The following PIK3AP1 variants were observed in gnomAD, a reference collection of about 807,000 sequenced individuals.
PIK3AP1 encodes the protein phosphoinositide-3-kinase adaptor protein 1.
Under a neutral mutation model 88.1 loss-of-function variants are expected in PIK3AP1, and 21 were observed. That is an observed-to-expected ratio of 0.24 (90% CI 0.17 to 0.34). The LOEUF (loss-of-function observed/expected upper bound fraction) is 0.34. Among genes scored for constraint, PIK3AP1 ranks in the 10% least tolerant of loss-of-function variants. The pLI is 1.00. For synonymous variants in PIK3AP1, 398 were observed against 400.0 expected (o/e 1.00, Z 0.06); for missense variants, 828 against 1,035.7 (o/e 0.80, Z 2.75).
chr10:96,702,615 C>G (rs1279599770), intron 2 of PIK3AP1, among the ~76,000 whole-genome samples: 2 of 32,352 alleles, frequency 6.2e-5, no homozygotes, highest in Non-Finnish European at 1.0e-4. Flanking sequence ...GTGTTCTCAC[C>G]ACACACACAC....
At chr10:96,675,421 C>T (rs1843904836) in intron 2 of PIK3AP1, among the ~76,000 whole-genome samples, 3 of 152,134 alleles carry the variant, frequency 2.0e-5, no homozygotes, top group Non-Finnish European at 4.4e-5. Context: ...GGCCTAGTAT[C>T]CCTGCCATGC....
chr10:96,629,601 G>A (rs7896097), intron 8 of PIK3AP1, among the ~76,000 whole-genome samples: 131,113 of 150,176 alleles, frequency 0.87, 58,132 homozygotes, highest in East Asian at 1. Flanking sequence ...CTCTGGGCCA[G>A]GCATGGTGGC....
chr10:96,614,304 G>A (rs552195541), intron 13 of PIK3AP1, among the ~76,000 whole-genome samples: 16 of 152,094 alleles, frequency 1.1e-4, no homozygotes, highest in South Asian at 4.2e-4. Flanking sequence ...ATCTTTGGGC[G>A]CATGGACTCT....
In PIK3AP1 at chr10:96,651,608, G is replaced by A. The variant is rs768591183; in HGVS notation, c.756C>T (p.Asp252=). 5 of 1,614,082 alleles carry A rather than the reference G, an allele frequency of 3.1e-6. No individual in the cohort carries two copies. Among genetic ancestry groups the A allele is most frequent in the Non-Finnish European group, 3.4e-6 (4 of 1,179,978 alleles). The change falls in exon 5 of 17, where the codon GAC becomes GAT. Residue 252 remains aspartate, a synonymous_variant. Transcript: ENST00000339364. ...GNVSLKIYSG[D]LVVCETVISY... ...TGATAACGGTTTCACACACCACTAA[G>A]TCTCCAGAATATATCTTCAGAGAAA...
chr10:96,678,821 A>G (rs1843960313), intron 2 of PIK3AP1, among the ~76,000 whole-genome samples: 1 of 152,176 alleles, frequency 6.6e-6, no homozygotes, highest in Non-Finnish European at 1.5e-5. Context: ...TGCAGTCACA[A>G]TATAGTTTAT....
In PIK3AP1 at chr10:96,702,046, C is replaced by T. The variant is rs189756132; in HGVS notation, c.430+7521G>A. On this transcript the variant is annotated intron_variant, in intron 2 of 16. Coordinates refer to ENST00000339364, the MANE Select transcript of PIK3AP1 (RefSeq NM_152309.3). ...GGACATTATGCAAAGTGAAATAACC[C>T]AGATACAGGAAGGCAAATACAGAAT... Among the ~76,000 whole-genome samples the T allele has an allele frequency of 4.9e-4, 74 of 152,156 alleles. 1 individual carries two copies. The highest frequency in any genetic ancestry group is 1.7e-3 in the African/African-American group (71 of 41,482).
intron 3 of PIK3AP1, 46 bp from the exon 4 acceptor site, chr10:96,652,888 C>T (rs750955566): frequency 3.8e-6 from 6 of 1,596,436 alleles, no homozygotes; most frequent in African/African-American, 1.3e-5. Flanking sequence ...CTCAGATCCC[C>T]GTAGGGTGTT....
intron 2 of PIK3AP1, among the ~76,000 whole-genome samples, chr10:96,678,745 C>T (rs541189443): frequency 2.5e-4 from 38 of 152,292 alleles, no homozygotes; most frequent in Non-Finnish European, 5.0e-4. Flanking sequence ...GCCTCAACAC[C>T]TTCCTCCTTT....
At chr10:96,614,513 C>A (rs764834403) in intron 13 of PIK3AP1, among the ~76,000 whole-genome samples, 1 of 151,730 alleles carries the variant, frequency 6.6e-6, no homozygotes, top group Non-Finnish European at 1.5e-5. Context: ...CATAGGATGA[C>A]CTCTCTGACC....
In PIK3AP1 at chr10:96,624,083, C is replaced by G. The variant is rs1045829152; in HGVS notation, c.1670-546G>C. Among the ~76,000 whole-genome samples, 3 of 152,198 alleles carry G rather than the reference C, an allele frequency of 2.0e-5. No homozygotes were observed. In the South Asian group the frequency reaches 6.2e-4, roughly 32 times the overall value. On this transcript the variant is annotated intron_variant, in intron 10 of 16. Coordinates refer to ENST00000339364, the MANE Select transcript of PIK3AP1 (RefSeq NM_152309.3). ...GGCTCCCTGGGCTCTGAAAGAGGCT[C>G]TCTGAGTCCAAATACTAGCTCTGTG...
intron 2 of PIK3AP1, among the ~76,000 whole-genome samples, chr10:96,682,013 T>G (rs7087866): frequency 0.26 from 28,020 of 108,230 alleles, 2,744 homozygotes; most frequent in East Asian, 0.3. Flanking sequence ...TATATATATA[T>G]AGAGAGAGAG....
intron 2 of PIK3AP1, among the ~76,000 whole-genome samples, chr10:96,692,995 T>C (rs1564986120): frequency 6.6e-6 from 1 of 152,204 alleles, no homozygotes; most frequent in Non-Finnish European, 1.5e-5. Context: ...ATTCCTGCCA[T>C]TGTTGCAGCT....
At chr10:96,680,088 C>T (rs779464690) in intron 2 of PIK3AP1, among the ~76,000 whole-genome samples, 2 of 152,080 alleles carry the variant, frequency 1.3e-5, no homozygotes, top group East Asian at 1.9e-4. Context: ...CAGCCTCAGC[C>T]CTTTCCAAAA....
At position 96,709,811 on chromosome 10, in the gene PIK3AP1, G is replaced by A. The variant is rs756856968; in HGVS notation, c.186C>T (p.Leu62=). The part of the protein sequence containing the change: ...SFSAEDLSLF[L]STRCVVVLLS... ...GCAGCACCACGACACAGCGGGTGCTGAGGAAAAGGCTTAGGTCCTCTGCCG... is the reference window on the plus strand; with the variant it reads ...GCAGCACCACGACACAGCGGGTGCTAAGGAAAAGGCTTAGGTCCTCTGCCG... Residue 62 remains leucine (L), a synonymous_variant, in exon 2 of 17, where the codon CTC becomes CTT. Coordinates refer to ENST00000339364, the MANE Select transcript of PIK3AP1 (RefSeq NM_152309.3). 3 of 1,613,784 alleles carry A rather than the reference G, an allele frequency of 1.9e-6. No homozygotes were observed. The highest frequency in any genetic ancestry group is 2.2e-5 in the South Asian group (2 of 91,048).
intron 4 of PIK3AP1, 40 bp downstream of exon 4, chr10:96,652,658 A>G (rs776656879): frequency 1.2e-6 from 2 of 1,606,080 alleles, no homozygotes; most frequent in African/African-American, 1.3e-5. Context: ...CAAATAAGCA[A>G]TGAAGCCCTA....
chr10:96,607,112 A>C (rs914174121), intron 14 of PIK3AP1, among the ~76,000 whole-genome samples: 1 of 152,212 alleles, frequency 6.6e-6, no homozygotes, highest in African/African-American at 2.4e-5. Flanking sequence ...TGACAGCTGC[A>C]CCATAATAAA....
At chr10:96,635,500 C>A (rs1435687818) in intron 8 of PIK3AP1, among the ~76,000 whole-genome samples, 1 of 152,196 alleles carries the variant, frequency 6.6e-6, no homozygotes, top group Non-Finnish European at 1.5e-5. Context: ...AGATGCCATA[C>A]ATGGGCCTCC....
At chr10:96,711,635 T>C (rs1335729154) in intron 1 of PIK3AP1, among the ~76,000 whole-genome samples, 1 of 151,466 alleles carries the variant, frequency 6.6e-6, no homozygotes, top group Non-Finnish European at 1.5e-5. Flanking sequence ...GGATGAATCC[T>C]CTTGCCTGCC....
intron 7 of PIK3AP1, among the ~76,000 whole-genome samples, chr10:96,647,281 T>C (rs1043096412): frequency 6.6e-6 from 1 of 152,188 alleles, no homozygotes; most frequent in African/African-American, 2.4e-5. Context: ...CTGCCCTGAA[T>C]AGTCTGTGGC....
Sources: allele counts gnomAD v4.1 joint callset (sites outside exome capture counted in the v4.1 genomes callset), GRCh38; gene constraint gnomAD v4.1.1; transcripts MANE v1.5; gene names NCBI Gene and HGNC (gene_info 2026-07-23, HGNC 2026-07-21).